The following ZFC3H1 variants were observed in gnomAD, a reference collection of about 807,000 sequenced individuals.
The protein encoded by ZFC3H1 is zinc finger C3H1-type containing.
Under a neutral mutation model 243.7 loss-of-function variants are expected in ZFC3H1, and 71 were observed. The ratio of observed to expected loss-of-function variants is 0.29; its 90% CI spans 0.24 to 0.36. The LOEUF (loss-of-function observed/expected upper bound fraction) is 0.36, where lower values mean the gene tolerates loss of function less well. Ranked by LOEUF, ZFC3H1 falls within the 10% of genes least tolerant of loss-of-function variation. The pLI is 1.00. For missense variants in ZFC3H1, 1,966 were observed against 2,317.1 expected, an observed-to-expected ratio of 0.85 and a Z score of 3.11; for synonymous variants, 838 against 813.0, an observed-to-expected ratio of 1.03 and a Z score of -0.52.
rs754788262 is a variant in ZFC3H1 at position 71,663,296 on chromosome 12, T to C, written c.315A>G (p.Arg105=). 3.7e-6 allele frequency: 6 copies of C among 1,613,174 alleles called. No individual in the cohort carries two copies. The East Asian group carries it at 1.1e-4, about 30-fold the overall frequency. Residue 105 remains arginine (R), a synonymous_variant, in exon 1 of 35, where the codon CGA becomes CGG. Coordinates refer to ENST00000378743, the MANE Select transcript of ZFC3H1 (RefSeq NM_144982.5). ...RGHLRGPSSY[R]PKEPFRSHPP... ...GATGAGACCGGAACGGTTCTTTGGGTCGGTAGCTGCTGGGTCCCCTGAGGT... is the reference window on the plus strand; with the variant it reads ...GATGAGACCGGAACGGTTCTTTGGGCCGGTAGCTGCTGGGTCCCCTGAGGT...
At position 71,663,120 on chromosome 12, in the gene ZFC3H1, C is replaced by T; in HGVS notation, c.491G>A (p.Gly164Asp). 3.1e-6 allele frequency: 5 copies of T among 1,614,068 alleles called. No individual in the cohort carries two copies. The highest frequency in any genetic ancestry group is 4.2e-6 in the Non-Finnish European group (5 of 1,180,028). Reference sequence around the variant, plus strand: ...GCACCCCGGCTTGCCTCCTCGCTCACCCACTCCTCGCCCCCGACTCCAGCG... The same window carrying T: ...GCACCCCGGCTTGCCTCCTCGCTCATCCACTCCTCGCCCCCGACTCCAGCG... ...GSRWSRGRGV[G>D]ERGGKPGCRP... Residue 164 changes from glycine (G) to aspartate (D), a missense_variant, in exon 1 of 35, where the codon GGT becomes GAT. Transcript: ENST00000378743.
At chr12:71,641,497 T>A (rs551715136) in intron 6 of ZFC3H1, among the ~76,000 whole-genome samples, 2 of 152,354 alleles carry the variant, frequency 1.3e-5, no homozygotes, top group East Asian at 1.9e-4. Context: ...CGTTCTGTTA[T>A]CTGCCTCAGT....
At chr12:71,649,511 C>CT (rs925723874) in intron 2 of ZFC3H1, among the ~76,000 whole-genome samples, 10 of 151,984 alleles carry the variant, frequency 6.6e-5, no homozygotes, top group Non-Finnish European at 1.5e-4. Flanking sequence ...TTATTCCTAT[C>CT]TTTTTTTTAT....
intron 2 of ZFC3H1, among the ~76,000 whole-genome samples, chr12:71,649,320 A>C (rs556588861): frequency 3.3e-5 from 5 of 152,296 alleles, no homozygotes; most frequent in African/African-American, 1.2e-4. Context: ...CTGGTATTAC[A>C]ATTTACTGTC....
chr12:71,639,757 T>C (rs1301417031), intron 6 of ZFC3H1, among the ~76,000 whole-genome samples: 2 of 152,204 alleles, frequency 1.3e-5, no homozygotes, highest in African/African-American at 4.8e-5. Context: ...TCATGAATTT[T>C]AGAAACTAGT....
intron 6 of ZFC3H1, 44 bp downstream of exon 6, chr12:71,642,388 CTATT>C: frequency 1.3e-6 from 2 of 1,566,134 alleles, no homozygotes; most frequent in Non-Finnish European, 1.7e-6. Context: ...TGACTATTCT[CTATT>C]TAATACATGT....
chr12:71,647,051 C>T (rs952644394), intron 3 of ZFC3H1, among the ~76,000 whole-genome samples: 3 of 152,108 alleles, frequency 2.0e-5, no homozygotes, highest in East Asian at 1.9e-4. Flanking sequence ...TGTATGTGTA[C>T]GTTATATTAT....
At chr12:71,616,488 C>T (rs2137516374) in intron 27 of ZFC3H1, among the ~76,000 whole-genome samples, 1 of 152,202 alleles carries the variant, frequency 6.6e-6, no homozygotes, top group Non-Finnish European at 1.5e-5. Context: ...ATTATAGCCC[C>T]ATCTTGAAAA....
intron 18 of ZFC3H1, among the ~76,000 whole-genome samples, chr12:71,629,914 T>TA (rs146148589): frequency 0.015 from 2,219 of 143,856 alleles, 44 homozygotes; most frequent in African/African-American, 0.051. Context: ...CATTTGGGAT[T>TA]AAAAAAAAAA....
Position 71,619,893 on chromosome 12 carries a change from G to A in ZFC3H1, c.5049+33C>T, listed in dbSNP as rs755409183. 1.9e-6 allele frequency: 3 copies of A among 1,554,874 alleles called. No individual in the cohort carries two copies. In the South Asian group the frequency reaches 3.6e-5, roughly 19 times the overall value. On this transcript the variant is annotated intron_variant, in intron 26 of 34. Transcript: ENST00000378743. Reference sequence around the variant, plus strand: ...CAATAGCAAAATTTGAAACATAAAAGCATCATATTTAAGAATTATGCATCA... The same window carrying A: ...CAATAGCAAAATTTGAAACATAAAAACATCATATTTAAGAATTATGCATCA...
At chr12:71,625,672 A>G (rs1007337876) in intron 22 of ZFC3H1, among the ~76,000 whole-genome samples, 2 of 152,220 alleles carry the variant, frequency 1.3e-5, no homozygotes, top group African/African-American at 4.8e-5. Flanking sequence ...CCTGGGTGAC[A>G]TAGAGAGACC....
chr12:71,634,617 C>G (rs1369182243), intron 11 of ZFC3H1, 87 bp downstream of exon 11: 1 of 1,390,046 alleles, frequency 7.2e-7, no homozygotes, highest in Non-Finnish European at 9.7e-7. Flanking sequence ...ACTATCATCA[C>G]TCATTCCCCA....
In ZFC3H1 at chr12:71,663,774, A is replaced by C. The variant is rs1592608638; in HGVS notation, c.-164T>G. 3 of 766,962 alleles carry C rather than the reference A, an allele frequency of 3.9e-6. No homozygotes were observed. The highest frequency in any genetic ancestry group is 6.2e-6 in the Non-Finnish European group (3 of 484,888). 47.5% of individuals were successfully genotyped at this position (766,962 alleles called of 1,614,324 possible). ...CAACTTCCCCGCACCCCAGCACCCC[A>C]GCTCTCTCTCGCCGGACCGTCGCAA... On this transcript the variant is annotated 5_prime_UTR_variant, in exon 1 of 35. Transcript: ENST00000378743.
At position 71,642,526 on chromosome 12, in the gene ZFC3H1, T is replaced by C. The variant is rs370735289; in HGVS notation, c.1537A>G (p.Lys513Glu). The C allele has an allele frequency of 1.1e-5, 17 of 1,613,216 alleles. No individual in the cohort carries two copies. The highest frequency in any genetic ancestry group is 1.4e-5 in the Non-Finnish European group (16 of 1,179,692). ...CCTCCTCCACTATCAGTAGGTTGCT[T>C]ATCTAAGGATCGCCTCAGGTCAGGA... The part of the protein sequence containing the change: ...SDPDLRRSLD[K>E]QPTDSGGGIY... Residue 513 changes from lysine to glutamate, a missense_variant, in exon 6 of 35, where the codon AAG (lysine) becomes GAG (glutamate). By Grantham distance (56) the Lys-to-Glu change is moderately conservative. Transcript: ENST00000378743.
intron 24 of ZFC3H1, among the ~76,000 whole-genome samples, chr12:71,620,678 T>C (rs1880004252): frequency 6.6e-6 from 1 of 152,238 alleles, no homozygotes; most frequent in African/African-American, 2.4e-5. Flanking sequence ...TTTTCATCTT[T>C]CCCTGACCAC....
chr12:71,643,160 G>A (rs891928027), intron 5 of ZFC3H1, among the ~76,000 whole-genome samples: 8 of 151,970 alleles, frequency 5.3e-5, no homozygotes, highest in African/African-American at 1.7e-4. Context: ...TTTATCTCTA[G>A]AAAAAGATTC....
intron 12 of ZFC3H1, 39 bp from the exon 13 acceptor site, chr12:71,633,477 T>C: frequency 2.7e-6 from 4 of 1,479,162 alleles, no homozygotes; most frequent in Non-Finnish European, 3.6e-6. Context: ...AATGTTTCCC[T>C]ACAAGAGCAG....
rs1881261841 is a variant in ZFC3H1 at position 71,663,765 on chromosome 12, C to G, written c.-155G>C. 3 of 801,708 alleles carry G rather than the reference C, an allele frequency of 3.7e-6. No individual in the cohort carries two copies. In the Admixed American group the frequency reaches 8.3e-5, roughly 22 times the overall value. The allele number at this position is 801,708 out of a possible 1,614,324, so 49.7% of individuals were successfully genotyped here. ...TCTGCTCCCCAACTTCCCCGCACCC[C>G]AGCACCCCAGCTCTCTCTCGCCGGA... On this transcript the variant is annotated 5_prime_UTR_variant, in exon 1 of 35. Coordinates refer to ENST00000378743, the MANE Select transcript of ZFC3H1 (RefSeq NM_144982.5).
At chr12:71,634,591 C>A in intron 11 of ZFC3H1, 113 bp downstream of exon 11, 1 of 1,252,862 alleles carries the variant, frequency 8.0e-7, no homozygotes, top group Non-Finnish European at 1.1e-6. Context: ...AACATTAACT[C>A]TGTATCTTGG....
Sources: allele counts gnomAD v4.1 joint callset (sites outside exome capture counted in the v4.1 genomes callset), GRCh38; gene constraint gnomAD v4.1.1; transcripts MANE v1.5; gene names NCBI Gene and HGNC (gene_info 2026-07-23, HGNC 2026-07-21).